TRPM6: variants seen among roughly 807,000 people sequenced by gnomAD.
TRPM6 encodes the protein channel kinase 2.
TRPM6 carries 111 observed loss-of-function variants against 247.6 expected under a neutral mutation model. That is an observed-to-expected ratio of 0.45 (90% CI 0.38 to 0.52). TRPM6 has a LOEUF of 0.52. Among genes scored for constraint, TRPM6 ranks in the 20% least tolerant of loss-of-function variants. The pLI, the probability that TRPM6 is intolerant of heterozygous loss-of-function variation, is 0.00. For synonymous variants in TRPM6, 892 were observed against 853.8 expected (o/e 1.04, Z -0.78); for missense variants, 2,126 against 2,421.5 (o/e 0.88, Z 2.56).
intron 23 of TRPM6, among the ~76,000 whole-genome samples, chr9:74,781,548 A>AG (rs1165071993): frequency 2.0e-5 from 3 of 150,026 alleles, no homozygotes; most frequent in Non-Finnish European, 4.4e-5. Context: ...AAAAAAAAAA[A>AG]AAAAAGAAGA....
chr9:74,777,037 T>C (rs1827249770), intron 23 of TRPM6, among the ~76,000 whole-genome samples: 1 of 152,082 alleles, frequency 6.6e-6, no homozygotes, highest in South Asian at 2.1e-4. Flanking sequence ...AGAATAGAAG[T>C]TTCTCAGAAT....
At chr9:74,875,168 C>T (rs1831154577) in intron 1 of TRPM6, 1 of 432,236 alleles carries the variant, frequency 2.3e-6, no homozygotes, top group African/African-American at 2.0e-5. Flanking sequence ...TCATCATCTG[C>T]AGGTCAGACA....
intron 14 of TRPM6, among the ~76,000 whole-genome samples, chr9:74,804,231 G>T (rs146724516): frequency 1.9e-4 from 29 of 152,132 alleles, no homozygotes; most frequent in African/African-American, 6.5e-4. Flanking sequence ...TTCAAAATAG[G>T]CAATAAAGAT....
At position 74,732,674 on chromosome 9, in the gene TRPM6, A is replaced by G. The variant is rs1272808576; in HGVS notation, c.5828+11T>C. ...GCAATTTTCTAAATGATAACACATA[A>G]ATTAACTTACTGTTTGACTTCAGGT... On this transcript the variant is annotated intron_variant, in intron 37 of 38. Transcript: ENST00000360774. The G allele has an allele frequency of 1.9e-6, 3 of 1,590,556 alleles. No individual in the cohort carries two copies. Among genetic ancestry groups the G allele is most frequent in the African/African-American group, 1.3e-5 (1 of 74,478 alleles).
chr9:74,759,015 A>T (rs1826531603), intron 27 of TRPM6, among the ~76,000 whole-genome samples: 1 of 152,202 alleles, frequency 6.6e-6, no homozygotes, highest in Admixed American at 6.5e-5. Context: ...AATGGCAGTT[A>T]TAATAAAATT....
At chr9:74,756,105 C>T (rs1237735286) in intron 27 of TRPM6, among the ~76,000 whole-genome samples, 2 of 152,176 alleles carry the variant, frequency 1.3e-5, no homozygotes, top group African/African-American at 4.8e-5. Context: ...AATTATTGAA[C>T]TCAGTTGCAA....
chr9:74,870,361 C>G (rs923121557), intron 1 of TRPM6, among the ~76,000 whole-genome samples: 1 of 151,810 alleles, frequency 6.6e-6, no homozygotes, highest in Admixed American at 6.6e-5. Context: ...GACATCTACA[C>G]TAAGGGAATA....
intron 6 of TRPM6, among the ~76,000 whole-genome samples, chr9:74,830,582 G>C (rs1829508248): frequency 6.6e-6 from 1 of 150,834 alleles, no homozygotes; most frequent in Non-Finnish European, 1.5e-5. Flanking sequence ...GTTGTTGTTT[G>C]GTTTGTTTGT....
chr9:74,791,489 C>T (rs1003557498), intron 19 of TRPM6, among the ~76,000 whole-genome samples: 13 of 150,968 alleles, frequency 8.6e-5, no homozygotes, highest in East Asian at 5.8e-4. Flanking sequence ...GGCTGTGTTA[C>T]GGAAAAAAAT....
In TRPM6 at chr9:74,785,890, G is replaced by T; in HGVS notation, c.2903C>A (p.Thr968Asn). The change falls in exon 21 of 39, where the codon ACC becomes AAC. Residue 968 changes from threonine to asparagine, a missense_variant. Transcript: ENST00000360774. ...AVNQHAGPYV[T>N]MIAKMTANMF... is the part of the protein sequence containing the mutation. ...TGTACTCACCATTTTTGCAATCATG[G>T]TCACATATGGACCTGCATGTTGATT... 1 of 1,614,142 alleles carries T rather than the reference G, an allele frequency of 6.2e-7. No individual in the cohort carries two copies. Among genetic ancestry groups the T allele is most frequent in the Non-Finnish European group, 8.5e-7 (1 of 1,180,026 alleles).
chr9:74,763,858 T>G (rs1379656086), intron 25 of TRPM6, among the ~76,000 whole-genome samples: 1 of 152,218 alleles, frequency 6.6e-6, no homozygotes, highest in Non-Finnish European at 1.5e-5. Flanking sequence ...TAAATTGAAT[T>G]AAATGTAACA....
chr9:74,833,899 A>G, intron 6 of TRPM6, 99 bp downstream of exon 6: 1 of 1,508,254 alleles, frequency 6.6e-7, no homozygotes, highest in Non-Finnish European at 9.2e-7. Context: ...AATATATTAC[A>G]TCTGTAATGT....
chr9:74,827,637 T>A (rs1237854403), intron 7 of TRPM6, 141 bp downstream of exon 7: 4 of 829,898 alleles, frequency 4.8e-6, no homozygotes, highest in Non-Finnish European at 6.3e-6. Flanking sequence ...GATGCCCATG[T>A]GGGAAGGGGG....
At chr9:74,872,170 G>A (rs1831048871) in intron 1 of TRPM6, among the ~76,000 whole-genome samples, 1 of 151,992 alleles carries the variant, frequency 6.6e-6, no homozygotes, top group Non-Finnish European at 1.5e-5. Flanking sequence ...TTTAAAAATA[G>A]TGACAGGGTC....
chr9:74,726,536 A>G (rs1189336895), intron 38 of TRPM6, among the ~76,000 whole-genome samples: 2 of 152,110 alleles, frequency 1.3e-5, no homozygotes, highest in African/African-American at 2.4e-5. Context: ...TAAACAAAAA[A>G]CACCTACCAG....
chr9:74,789,586 T>C (rs1827822012), intron 19 of TRPM6, among the ~76,000 whole-genome samples: 2 of 152,162 alleles, frequency 1.3e-5, no homozygotes, highest in South Asian at 2.1e-4. Context: ...TACACTATTA[T>C]CAACAATGTA....
chr9:74,731,825 C>T (rs1470296205), intron 37 of TRPM6, among the ~76,000 whole-genome samples: 1 of 151,990 alleles, frequency 6.6e-6, no homozygotes, highest in African/African-American at 2.4e-5. Context: ...GGACCAGCAG[C>T]ATCATAATTC....
At chr9:74,842,024 T>C (rs1829954125) in intron 4 of TRPM6, 142 bp downstream of exon 4, 2 of 854,992 alleles carry the variant, frequency 2.3e-6, no homozygotes, top group Non-Finnish European at 3.7e-6. Flanking sequence ...GGCAGGAGAA[T>C]CACTTGAACC....
intron 9 of TRPM6, among the ~76,000 whole-genome samples, chr9:74,818,845 C>A (rs1049303229): frequency 1.1e-4 from 16 of 152,112 alleles, no homozygotes; most frequent in East Asian, 3.9e-4. Flanking sequence ...CTTCCTCTAG[C>A]CAGAACACTT....
Sources: allele counts gnomAD v4.1 joint callset (sites outside exome capture counted in the v4.1 genomes callset), GRCh38; gene constraint gnomAD v4.1.1; transcripts MANE v1.5; gene names NCBI Gene and HGNC (gene_info 2026-07-23, HGNC 2026-07-21).